Variants in CCDC171 observed in about 807,000 individuals in gnomAD.
The protein encoded by CCDC171 is coiled-coil domain containing 171, also known as coiled-coil domain-containing protein 171.
CCDC171 carries 177 observed loss-of-function variants against 168.2 expected under a neutral mutation model. That is an observed-to-expected ratio of 1.05 (90% confidence interval 0.93 to 1.19). The LOEUF (loss-of-function observed/expected upper bound fraction) is 1.19, where lower values mean the gene tolerates loss of function less well. Ranked by LOEUF, CCDC171 falls within the 50% of genes most tolerant of loss-of-function variation. The probability of loss-of-function intolerance (pLI) is 0.00; values close to 1 mark genes in which losing one functional copy is unlikely to be tolerated. For synonymous variants in CCDC171, 687 were observed against 540.8 expected (o/e 1.27, Z -3.75); for missense variants, 1,991 against 1,539.0 (o/e 1.29, Z -4.91).
intron 1 of CCDC171, among the ~76,000 whole-genome samples, chr9:15,554,549 G>T (rs918196062): frequency 6.6e-6 from 1 of 152,126 alleles, no homozygotes; most frequent in Non-Finnish European, 1.5e-5. Context: ...CTAGGCGTTA[G>T]GTTCTTTATC....
chr9:15,908,577 G>A (rs1327525666), intron 24 of CCDC171, among the ~76,000 whole-genome samples: 1 of 152,108 alleles, frequency 6.6e-6, no homozygotes, highest in East Asian at 1.9e-4. Context: ...ACTGGGTGCA[G>A]CACACCTACA....
chr9:15,720,726 C>T (rs2134177913), intron 11 of CCDC171, among the ~76,000 whole-genome samples: 1 of 152,242 alleles, frequency 6.6e-6, no homozygotes, highest in East Asian at 1.9e-4. Context: ...TTCTAGGGTA[C>T]ATGTGCACAA....
intron 18 of CCDC171, chr9:15,776,247 A>G (rs930562607): frequency 1.3e-5 from 2 of 152,094 alleles, no homozygotes; most frequent in African/African-American, 4.8e-5. Context: ...TCTTCTCTGT[A>G]TCGTTCCAAT....
At chr9:15,909,792 G>A (rs1271139316) in intron 24 of CCDC171, among the ~76,000 whole-genome samples, 1 of 152,080 alleles carries the variant, frequency 6.6e-6, no homozygotes, top group Non-Finnish European at 1.5e-5. Flanking sequence ...AATTCCTGGT[G>A]CCAATGAAGA....
chr9:16,071,728 GC>G, the CCDC171 span, among the ~76,000 whole-genome samples: 1 of 152,040 alleles, frequency 6.6e-6, no homozygotes, highest in African/African-American at 2.4e-5. Context: ...TCTTTGTCTG[GC>G]CCCCTAGAGT....
upstream of CCDC171, among the ~76,000 whole-genome samples, chr9:16,037,971 ATAAG>A (rs1833503723): frequency 4.6e-5 from 7 of 152,334 alleles, no homozygotes; most frequent in Admixed American, 3.3e-4. Context: ...CATGAGCTGA[ATAAG>A]TAAGTGTGAA....
At chr9:16,036,518 C>T (rs933756455) in intron 8 of CCDC171, among the ~76,000 whole-genome samples, 1 of 152,190 alleles carries the variant, frequency 6.6e-6, no homozygotes, top group Admixed American at 6.5e-5. Context: ...GTGGCAGGTG[C>T]CTGTAGTCCC....
At chr9:16,086,903 T>G in the CCDC171 span, among the ~76,000 whole-genome samples, 2 of 152,232 alleles carry the variant, frequency 1.3e-5, no homozygotes, top group African/African-American at 4.8e-5. Context: ...CTGCTTTAGC[T>G]GTGTCACAGA....
intron 3 of CCDC171, among the ~76,000 whole-genome samples, chr9:16,014,528 A>G (rs1246888638): frequency 2.0e-5 from 3 of 152,128 alleles, no homozygotes; most frequent in Non-Finnish European, 4.4e-5. Context: ...GATGTTTTCC[A>G]TTTACTTTGC....
At chr9:16,026,455 C>T (rs552523259) in intron 6 of CCDC171, among the ~76,000 whole-genome samples, 83 of 152,282 alleles carry the variant, frequency 5.5e-4, no homozygotes, top group Non-Finnish European at 8.5e-4. Flanking sequence ...TTTCAAGCCA[C>T]CTCAAGGGCC....
the CCDC171 span, among the ~76,000 whole-genome samples, chr9:16,093,180 G>T: frequency 6.6e-6 from 1 of 152,188 alleles, no homozygotes; most frequent in African/African-American, 2.4e-5. Context: ...AAAGAAAAAC[G>T]GCTTTGTTAG....
At chr9:15,919,570 G>A (rs1019659130) in intron 24 of CCDC171, among the ~76,000 whole-genome samples, 2 of 151,264 alleles carry the variant, frequency 1.3e-5, no homozygotes, top group African/African-American at 4.8e-5. Context: ...ATAGTATCCT[G>A]GACTTAAAAT....
chr9:15,563,672 C>G (rs765531367), intron 1 of CCDC171, among the ~76,000 whole-genome samples: 14 of 152,126 alleles, frequency 9.2e-5, no homozygotes, highest in Non-Finnish European at 2.1e-4. Context: ...ATCATCTTGG[C>G]CAAAATTTCA....
chr9:15,834,950 G>GT (rs1389620556), intron 21 of CCDC171, among the ~76,000 whole-genome samples: 1 of 152,180 alleles, frequency 6.6e-6, no homozygotes, highest in African/African-American at 2.4e-5. Flanking sequence ...GAATTCATCT[G>GT]TTTTTCTGAT....
chr9:16,045,583 A>C (rs1005867841), intron 1 of CCDC171, among the ~76,000 whole-genome samples: 9 of 152,034 alleles, frequency 5.9e-5, no homozygotes, highest in Non-Finnish European at 2.9e-5. Flanking sequence ...AGCCACAGCA[A>C]CTCTGGCCAT....
At chr9:16,091,089 G>A in the CCDC171 span, among the ~76,000 whole-genome samples, 7 of 152,284 alleles carry the variant, frequency 4.6e-5, no homozygotes, top group East Asian at 1.2e-3. Context: ...CAGGAATGCT[G>A]ATTGTGTGAC....
At chr9:15,625,219 T>C (rs276443) in intron 7 of CCDC171, among the ~76,000 whole-genome samples, 83,015 of 152,016 alleles carry the variant, frequency 0.55, 22,982 homozygotes, top group East Asian at 0.77. Context: ...GATATTAGCC[T>C]TTTGTCAGAT....
At chr9:15,888,457 A>G (rs929926653) in intron 24 of CCDC171, among the ~76,000 whole-genome samples, 2 of 152,188 alleles carry the variant, frequency 1.3e-5, no homozygotes, top group Non-Finnish European at 2.9e-5. Flanking sequence ...AGTAATGCAA[A>G]CATTTCTACT....
At chr9:15,561,033 T>A (rs139245768) in intron 1 of CCDC171, among the ~76,000 whole-genome samples, 1 of 152,282 alleles carries the variant, frequency 6.6e-6, no homozygotes, top group African/African-American at 2.4e-5. Context: ...GGAAGCTCAG[T>A]TGGAAATGCA....
Sources: gnomAD v4.1 joint callset for allele counts (sites outside exome capture counted in the v4.1 genomes callset) on GRCh38, gnomAD v4.1.1 for gene constraint, MANE v1.5 for transcripts, NCBI Gene and HGNC (gene_info 2026-07-23, HGNC 2026-07-21) for gene names.